DPYD: variants seen among roughly 807,000 people sequenced by gnomAD.
The protein encoded by DPYD is dihydropyrimidine dehydrogenase, also known as dihydropyrimidine dehydrogenase [NADP(+)].
DPYD carries 109 observed loss-of-function variants against 116.2 expected under a neutral mutation model. The ratio of observed to expected loss-of-function variants is 0.94; its 90% CI spans 0.80 to 1.10. DPYD has a LOEUF of 1.10. Ranked by LOEUF, DPYD falls within the 50% of genes least tolerant of loss-of-function variation. DPYD has a pLI of 0.00. For synonymous variants in DPYD, 440 were observed against 432.0 expected (o/e 1.02, Z -0.23); for missense variants, 1,302 against 1,254.5 (o/e 1.04, Z -0.57).
chr1:97,322,121 T>C (rs1335032948), intron 16 of DPYD, among the ~76,000 whole-genome samples: 5 of 131,976 alleles, frequency 3.8e-5, no homozygotes, highest in Non-Finnish European at 6.5e-5. Context: ...CATTGGGAGA[T>C]ATACCTAATG....
chr1:97,308,551 C>T (rs1311388114), intron 16 of DPYD: 1 of 151,776 alleles, frequency 6.6e-6, no homozygotes, highest in Admixed American at 6.6e-5. Flanking sequence ...TATTCTAATA[C>T]AACTAGAAAT....
chr1:97,693,178 C>A (rs538023087), intron 6 of DPYD, among the ~76,000 whole-genome samples: 88 of 149,898 alleles, frequency 5.9e-4, no homozygotes, highest in Non-Finnish European at 9.7e-4. Flanking sequence ...GTAGTCCCAG[C>A]TACTTGGAAG....
At chr1:97,235,682 C>G (rs192529076) in intron 18 of DPYD, among the ~76,000 whole-genome samples, 17 of 151,990 alleles carry the variant, frequency 1.1e-4, no homozygotes, top group Non-Finnish European at 1.6e-4. Context: ...AAAAACAATC[C>G]CATATAGTAC....
intron 20 of DPYD, among the ~76,000 whole-genome samples, chr1:97,123,466 C>T (rs534614644): frequency 1.5e-3 from 225 of 152,154 alleles, no homozygotes; most frequent in Non-Finnish European, 2.4e-3. Flanking sequence ...ATAGTACCTT[C>T]AATAGCCCAG....
At chr1:97,225,255 A>C (rs1366953637) in intron 19 of DPYD, among the ~76,000 whole-genome samples, 1 of 151,946 alleles carries the variant, frequency 6.6e-6, no homozygotes, top group Non-Finnish European at 1.5e-5. Flanking sequence ...CCTCATCAAC[A>C]TTTGCTATTT....
chr1:97,253,170 G>A (rs1663219728), intron 18 of DPYD, among the ~76,000 whole-genome samples: 1 of 152,088 alleles, frequency 6.6e-6, no homozygotes, highest in African/African-American at 2.4e-5. Context: ...TTTATGGAGA[G>A]TATAATGTCA....
At chr1:97,104,685 G>C (rs1402456987) in intron 20 of DPYD, among the ~76,000 whole-genome samples, 1 of 152,054 alleles carries the variant, frequency 6.6e-6, no homozygotes, top group Non-Finnish European at 1.5e-5. Context: ...CCTCCAGGTG[G>C]AATAAACAGC....
At chr1:97,751,460 G>GTGTGTATGTATA (rs763260651) in intron 3 of DPYD, among the ~76,000 whole-genome samples, 1 of 21,290 alleles carries the variant, frequency 4.7e-5, no homozygotes, top group Non-Finnish European at 8.1e-5. Context: ...GTGTGTGTGT[G>GTGTGTATGTATA]TATATATATA....
intron 15 of DPYD, among the ~76,000 whole-genome samples, chr1:97,377,014 A>AG (rs1225556880): frequency 6.6e-6 from 1 of 151,246 alleles, no homozygotes; most frequent in Non-Finnish European, 1.5e-5. Flanking sequence ...CCTCAAAAAA[A>AG]GAAAAAAAAA....
chr1:97,787,699 A>C (rs1052927577), intron 3 of DPYD, among the ~76,000 whole-genome samples: 14 of 152,234 alleles, frequency 9.2e-5, no homozygotes, highest in Non-Finnish European at 5.9e-5. Flanking sequence ...GTTCCGTCGA[A>C]CAAGGCTATA....
In DPYD at chr1:97,824,115, A is replaced by T. The variant is rs372777168; in HGVS notation, c.233+3999T>A. On this transcript the variant is annotated intron_variant, in intron 3 of 22. Coordinates refer to ENST00000370192, the MANE Select transcript of DPYD (RefSeq NM_000110.4). ...ATTTTGAATACAATCACATTAAAAG[A>T]TGTCAAATTCTTAGGGAGGTTTTGT... 1.2e-4 allele frequency among the ~76,000 whole-genome samples: 19 copies of T among 152,284 alleles called. 1 individual carries two copies. The South Asian group carries it at 3.3e-3, about 27-fold the overall frequency.
At chr1:97,828,243 A>G (rs377126554) in intron 2 of DPYD, 47 bp from the exon 3 acceptor site, 88 of 1,572,620 alleles carry the variant, frequency 5.6e-5, no homozygotes, top group Non-Finnish European at 7.6e-5. Context: ...ATCCTGAGAA[A>G]AATTGTATCT....
intron 16 of DPYD, among the ~76,000 whole-genome samples, chr1:97,314,490 C>CTTTTTTTTTTTTTTTTTTTTTTTTTTTTT: frequency 8.1e-6 from 1 of 123,414 alleles, no homozygotes; most frequent in Non-Finnish European, 1.6e-5. Context: ...CTAAAGCTTT[C>CTTTTTTTTTTTTTTTTTTTTTTTTTTTTT]TTTTTTTTTT....
At chr1:97,751,353 CATAT>C (rs1228046504) in intron 3 of DPYD, among the ~76,000 whole-genome samples, 1 of 139,744 alleles carries the variant, frequency 7.2e-6, no homozygotes, top group African/African-American at 2.7e-5. Flanking sequence ...TACATATATA[CATAT>C]ATATAAACAC....
chr1:97,778,450 G>A (rs1027378061), intron 3 of DPYD, among the ~76,000 whole-genome samples: 3 of 151,936 alleles, frequency 2.0e-5, no homozygotes, highest in African/African-American at 7.3e-5. Context: ...GAGTGAGAAG[G>A]TAAGAAATTA....
At chr1:97,723,385 C>T (rs1663033013) in intron 4 of DPYD, among the ~76,000 whole-genome samples, 1 of 151,452 alleles carries the variant, frequency 6.6e-6, no homozygotes, top group Non-Finnish European at 1.5e-5. Flanking sequence ...CTGTTCATGG[C>T]TCAATAGATT....
rs780070034 is a variant in DPYD at position 97,883,414 on chromosome 1, T to C, written c.40-40A>G. On this transcript the variant is annotated intron_variant, in intron 1 of 22. Transcript: ENST00000370192. ...AACAATGTGTAAATATATGGAAATA[T>C]GTTGGCATTTGTTTAAACTTATTTT... 52 of 1,324,676 alleles carry C rather than the reference T, an allele frequency of 3.9e-5. 1 individual carries two copies. In the Admixed American group the frequency reaches 6.1e-4, roughly 16 times the overall value. The allele number at this position is 1,324,676 out of a possible 1,614,324, so 82.1% of individuals were successfully genotyped here. A position where few individuals can be genotyped will look rare whatever the true frequency, so the allele number is the denominator to read the frequency against.
intron 18 of DPYD, among the ~76,000 whole-genome samples, chr1:97,291,284 C>A (rs1666147991): frequency 6.6e-6 from 1 of 152,084 alleles, no homozygotes; most frequent in Non-Finnish European, 1.5e-5. Flanking sequence ...TGTGGCGATT[C>A]CTCAGGGATC....
At chr1:97,912,686 T>G (rs553944806) in intron 1 of DPYD, among the ~76,000 whole-genome samples, 1 of 152,168 alleles carries the variant, frequency 6.6e-6, no homozygotes, top group African/African-American at 2.4e-5. Context: ...TAATAAAAGT[T>G]AACACTTTTA....
Sources: gnomAD v4.1 joint callset for allele counts (sites outside exome capture counted in the v4.1 genomes callset) on GRCh38, gnomAD v4.1.1 for gene constraint, MANE v1.5 for transcripts, NCBI Gene and HGNC (gene_info 2026-07-23, HGNC 2026-07-21) for gene names.